SMAP1: variants seen among roughly 807,000 people sequenced by gnomAD.
SMAP1 encodes stromal membrane-associated protein 1.
SMAP1 carries 24 observed loss-of-function variants against 58.5 expected under a neutral mutation model. The observed-to-expected ratio is 0.41, with a 90% CI of 0.30 to 0.58. SMAP1 has a LOEUF of 0.58. Ranked by LOEUF, SMAP1 falls within the 20% of genes least tolerant of loss-of-function variation. The pLI, the probability that SMAP1 is intolerant of heterozygous loss-of-function variation, is 0.29. For missense variants in SMAP1, 563 were observed against 566.3 expected, an observed-to-expected ratio of 0.99 and a Z score of 0.06; for synonymous variants, 216 against 196.6, an observed-to-expected ratio of 1.10 and a Z score of -0.82.
chr6:70,835,364 T>G (rs1770537471), intron 6 of SMAP1, among the ~76,000 whole-genome samples: 1 of 152,130 alleles, frequency 6.6e-6, no homozygotes, highest in Non-Finnish European at 1.5e-5. Flanking sequence ...GGTAGATATG[T>G]GTTCTTAGAA....
intron 1 of SMAP1, among the ~76,000 whole-genome samples, chr6:70,729,678 C>T (rs892749668): frequency 6.6e-6 from 1 of 152,126 alleles, no homozygotes; most frequent in South Asian, 2.1e-4. Context: ...TCTACCTTCT[C>T]CTTTGCCACT....
At chr6:70,738,739 G>A (rs1765709480) in intron 2 of SMAP1, among the ~76,000 whole-genome samples, 1 of 152,154 alleles carries the variant, frequency 6.6e-6, no homozygotes, top group Non-Finnish European at 1.5e-5. Context: ...ACAGGCAAAA[G>A]AGTATTGATA....
At chr6:70,831,718 C>T (rs963852242) in intron 6 of SMAP1, among the ~76,000 whole-genome samples, 8 of 152,084 alleles carry the variant, frequency 5.3e-5, no homozygotes, top group African/African-American at 1.4e-4. Flanking sequence ...AACAGTGCTG[C>T]GATGAACATA....
At chr6:70,724,149 TTG>T (rs1269921738) in intron 1 of SMAP1, among the ~76,000 whole-genome samples, 3 of 150,894 alleles carry the variant, frequency 2.0e-5, no homozygotes, top group African/African-American at 7.3e-5. Context: ...GGTTTTTTTT[TTG>T]TTGTTGTTGT....
intron 6 of SMAP1, among the ~76,000 whole-genome samples, chr6:70,833,614 G>A (rs1373996853): frequency 6.6e-6 from 1 of 152,158 alleles, no homozygotes; most frequent in Admixed American, 6.5e-5. Flanking sequence ...CAAAGGAGCA[G>A]ACTGTCTTTA....
intron 1 of SMAP1, among the ~76,000 whole-genome samples, chr6:70,708,285 A>G (rs773725736): frequency 1.3e-5 from 2 of 152,070 alleles, no homozygotes; most frequent in Non-Finnish European, 2.9e-5. Flanking sequence ...TGTTGTCTCA[A>G]GTGGTGGGTT....
chr6:70,723,929 ATGTT>A lies in SMAP1; in HGVS notation c.119-8448_119-8445del, dbSNP rs535900335. On this transcript the variant is annotated intron_variant, in intron 1 of 10. Transcript: ENST00000370455. The stretch of plus-strand genomic sequence containing the variant: ...TCTTTCAAAGGTTTTATTTTCTATT[ATGTT>A]ATTGGTTTGCTTGGTTCTACACAAT... Among the ~76,000 whole-genome samples the A allele has an allele frequency of 4.5e-3, 681 of 151,984 alleles. 3 individuals carry two copies. The highest frequency in any genetic ancestry group is 0.033 in the South Asian group (157 of 4,814).
At chr6:70,793,158 C>A (rs1262553795) in intron 5 of SMAP1, among the ~76,000 whole-genome samples, 1 of 152,148 alleles carries the variant, frequency 6.6e-6, no homozygotes, top group African/African-American at 2.4e-5. Context: ...CCTCAGCCTC[C>A]TGAGTAGCTG....
chr6:70,686,554 T>C (rs1581998745), intron 1 of SMAP1, among the ~76,000 whole-genome samples: 1 of 152,310 alleles, frequency 6.6e-6, no homozygotes, highest in Non-Finnish European at 1.5e-5. Flanking sequence ...CTGGGAGACT[T>C]GTCAGTGTAT....
chr6:70,840,213 A>G (rs1033174539), intron 7 of SMAP1, among the ~76,000 whole-genome samples: 2 of 152,142 alleles, frequency 1.3e-5, no homozygotes, highest in Non-Finnish European at 2.9e-5. Flanking sequence ...GATCCTTGGG[A>G]CTCACGGCCT....
chr6:70,751,884 G>T (rs766943087), intron 2 of SMAP1, among the ~76,000 whole-genome samples: 2 of 152,082 alleles, frequency 1.3e-5, no homozygotes, highest in Non-Finnish European at 2.9e-5. Flanking sequence ...AAAAGTACAT[G>T]TCACTTATCC....
intron 3 of SMAP1, among the ~76,000 whole-genome samples, chr6:70,767,619 A>G (rs1439559249): frequency 1.3e-5 from 2 of 150,886 alleles, no homozygotes; most frequent in African/African-American, 4.9e-5. Context: ...GACTTTGCTG[A>G]AGTTGCTTAT....
intron 1 of SMAP1, among the ~76,000 whole-genome samples, chr6:70,715,103 C>CTTTTTTTTTTTTTTTTTTTT (rs34027498): frequency 9.2e-6 from 1 of 108,892 alleles, no homozygotes; most frequent in Non-Finnish European, 1.8e-5. Flanking sequence ...TTTTTTTTTC[C>CTTTTTTTTTTTTTTTTTTTT]TTTTTTTTTT....
intron 2 of SMAP1, among the ~76,000 whole-genome samples, chr6:70,743,418 A>C (rs990753010): frequency 1.1e-4 from 16 of 152,196 alleles, no homozygotes; most frequent in Admixed American, 1.0e-3. Context: ...GCTGTTAAAG[A>C]ATTTTTATGA....
intron 1 of SMAP1, among the ~76,000 whole-genome samples, chr6:70,706,514 C>T (rs1362329516): frequency 6.6e-6 from 1 of 152,084 alleles, no homozygotes; most frequent in Non-Finnish European, 1.5e-5. Flanking sequence ...ATCTGGTAAA[C>T]CATCATGTTA....
chr6:70,759,269 CT>C (rs1343944214), intron 3 of SMAP1, among the ~76,000 whole-genome samples: 2 of 151,942 alleles, frequency 1.3e-5, no homozygotes, highest in African/African-American at 4.8e-5. Flanking sequence ...TTTATTCCCT[CT>C]TTTTTTGCCC....
intron 5 of SMAP1, among the ~76,000 whole-genome samples, chr6:70,797,857 TC>T (rs1768671877): frequency 6.6e-6 from 1 of 152,096 alleles, no homozygotes; most frequent in East Asian, 1.9e-4. Context: ...CAGTAGACTT[TC>T]AGTTCTCAGT....
chr6:70,845,242 G>A (rs1770945114), intron 7 of SMAP1, among the ~76,000 whole-genome samples: 1 of 152,196 alleles, frequency 6.6e-6, no homozygotes, highest in African/African-American at 2.4e-5. Flanking sequence ...AGTAAAGGAT[G>A]AATTCAATTA....
chr6:70,681,648 AC>A (rs1039682234), intron 1 of SMAP1, among the ~76,000 whole-genome samples: 1 of 151,850 alleles, frequency 6.6e-6, no homozygotes, highest in African/African-American at 2.4e-5. Context: ...AGAATGAAAA[AC>A]CTTTGGTGCC....
Sources: allele counts gnomAD v4.1 joint callset (sites outside exome capture counted in the v4.1 genomes callset), GRCh38; gene constraint gnomAD v4.1.1; transcripts MANE v1.5; gene names NCBI Gene and HGNC (gene_info 2026-07-23, HGNC 2026-07-21).